The following SULT1E1 variants were observed in gnomAD, a reference collection of about 807,000 sequenced individuals.
SULT1E1 encodes sulfotransferase family 1E member 1.
In SULT1E1, 36 loss-of-function variants were observed where a neutral mutation model predicts 33.6. That is an observed-to-expected ratio of 1.07 (90% CI 0.82 to 1.41). SULT1E1 has a LOEUF of 1.41. Ranked by LOEUF, SULT1E1 falls within the 40% of genes most tolerant of loss-of-function variation. SULT1E1 has a pLI of 0.00. For synonymous variants in SULT1E1, 121 were observed against 111.7 expected (o/e 1.08, Z -0.53); for missense variants, 371 against 345.7 (o/e 1.07, Z -0.58).
downstream of SULT1E1, among the ~76,000 whole-genome samples, chr4:69,840,795 C>T (rs547337487): frequency 9.2e-5 from 14 of 152,238 alleles, no homozygotes; most frequent in African/African-American, 3.1e-4. Context: ...GCCTGTAATC[C>T]CAGCACTTTG....
At chr4:69,856,053 T>A (rs1177149642) in intron 2 of SULT1E1, among the ~76,000 whole-genome samples, 1 of 152,230 alleles carries the variant, frequency 6.6e-6, no homozygotes, top group Non-Finnish European at 1.5e-5. Flanking sequence ...ATGTGATCCT[T>A]CAGCTTAGCC....
chr4:69,830,154 C>T, the SULT1E1 span, among the ~76,000 whole-genome samples: 1 of 152,244 alleles, frequency 6.6e-6, no homozygotes, highest in African/African-American at 2.4e-5. Flanking sequence ...TGGCCTCTTC[C>T]ACACCCATGT....
chr4:69,851,880 A>T (rs2110070977), intron 4 of SULT1E1, among the ~76,000 whole-genome samples: 1 of 152,252 alleles, frequency 6.6e-6, no homozygotes, highest in African/African-American at 2.4e-5. Context: ...AAGAACAAAA[A>T]ACCAAACACC....
chr4:69,848,030 A>G (rs11573781), intron 5 of SULT1E1, among the ~76,000 whole-genome samples: 5 of 151,682 alleles, frequency 3.3e-5, no homozygotes, highest in Non-Finnish European at 5.9e-5. Context: ...TGACAGAAAA[A>G]CAGGGAAAGT....
the SULT1E1 span, among the ~76,000 whole-genome samples, chr4:69,827,748 G>A: frequency 5.3e-5 from 8 of 152,266 alleles, no homozygotes; most frequent in South Asian, 2.1e-4. Flanking sequence ...AAGGAAAAGC[G>A]AGATCAGAGA....
downstream of SULT1E1, among the ~76,000 whole-genome samples, chr4:69,837,749 A>T (rs1226076026): frequency 6.6e-6 from 1 of 152,142 alleles, no homozygotes; most frequent in East Asian, 1.9e-4. Context: ...CAAGCTAGTT[A>T]TAAACTCCTA....
the SULT1E1 span, among the ~76,000 whole-genome samples, chr4:69,832,521 G>A: frequency 2.6e-5 from 4 of 152,202 alleles, no homozygotes; most frequent in African/African-American, 9.7e-5. Context: ...ACTCCTAAGT[G>A]GTGCGAAAAC....
chr4:69,851,148 T>G (rs574701851), intron 4 of SULT1E1, among the ~76,000 whole-genome samples: 1 of 152,250 alleles, frequency 6.6e-6, no homozygotes, highest in African/African-American at 2.4e-5. Flanking sequence ...CTAAAGAGCT[T>G]CTGCACAGCA....
At chr4:69,838,001 G>A (rs140712371), downstream of SULT1E1, among the ~76,000 whole-genome samples, 2 of 152,248 alleles carry the variant, frequency 1.3e-5, no homozygotes, top group Admixed American at 1.3e-4. Flanking sequence ...TTTTGTATGA[G>A]TTTGGTAGTA....
At chr4:69,843,087 C>T (rs112090902) in intron 7 of SULT1E1, among the ~76,000 whole-genome samples, 26 of 152,244 alleles carry the variant, frequency 1.7e-4, no homozygotes, top group African/African-American at 5.3e-4. Flanking sequence ...CCGCCCGTCT[C>T]GGCCTCCCAA....
At chr4:69,821,829 A>C in the SULT1E1 span, among the ~76,000 whole-genome samples, 71 of 152,364 alleles carry the variant, frequency 4.7e-4, 1 homozygote, top group African/African-American at 1.6e-3. Context: ...GTCATATCAA[A>C]GAAATGTAAT....
At chr4:69,855,169 A>C in intron 3 of SULT1E1, 132 bp downstream of exon 3, 1 of 914,550 alleles carries the variant, frequency 1.1e-6, no homozygotes, top group Non-Finnish European at 1.6e-6. Flanking sequence ...TTTAAATTTA[A>C]ATTTATATGC....
At chr4:69,851,381 C>G (rs1721100359) in intron 4 of SULT1E1, among the ~76,000 whole-genome samples, 1 of 152,156 alleles carries the variant, frequency 6.6e-6, no homozygotes, top group South Asian at 2.1e-4. Context: ...AAATGCTCAG[C>G]ATCACTGGCC....
chr4:69,849,623 G>T, intron 4 of SULT1E1, 60 bp from the exon 5 acceptor site: 1 of 1,449,972 alleles, frequency 6.9e-7, no homozygotes. Flanking sequence ...GTCTCATCAA[G>T]ATTTTTTTAA....
the SULT1E1 span, among the ~76,000 whole-genome samples, chr4:69,828,155 C>T: frequency 3.9e-5 from 6 of 152,306 alleles, no homozygotes; most frequent in East Asian, 1.9e-4. Flanking sequence ...ACTGGTGAGG[C>T]CTTCTCAGTG....
downstream of SULT1E1, among the ~76,000 whole-genome samples, chr4:69,837,478 G>A (rs1720813344): frequency 6.6e-6 from 1 of 151,818 alleles, no homozygotes; most frequent in African/African-American, 2.4e-5. Context: ...TGTTTGTTTG[G>A]GATGTTCAGA....
chr4:69,847,740 CTT>C lies in SULT1E1; in HGVS notation c.547_548del (p.Lys183GlufsTer90), dbSNP rs1256037917. Reference protein sequence around the residue: ...KHVKSWWEKGKSPRVLFLFYE... With the variant: ...KHVKSWWEKGXSPRVLFLFYE... ...AGAAAAGAAATAGTACACGTGGACTCTTTCCCTTTTCCCACCAAGATTTTACA... is the reference window on the plus strand; with the variant it reads ...AGAAAAGAAATAGTACACGTGGACTCTCCCTTTTCCCACCAAGATTTTACA... On this transcript the variant is annotated frameshift_variant, in exon 6 of 8. Coordinates refer to ENST00000226444, the MANE Select transcript of SULT1E1 (RefSeq NM_005420.3). LOFTEE classifies it high-confidence loss of function. 1.2e-6 allele frequency: 2 copies of C among 1,609,758 alleles called. No homozygotes were observed. Among genetic ancestry groups the C allele is most frequent in the African/African-American group, 2.7e-5 (2 of 74,686 alleles).
chr4:69,832,887 A>G, the SULT1E1 span, among the ~76,000 whole-genome samples: 1 of 152,132 alleles, frequency 6.6e-6, no homozygotes, highest in Admixed American at 6.5e-5. Context: ...TACTTACACT[A>G]AAGGAGAGAT....
At chr4:69,829,958 T>C in the SULT1E1 span, among the ~76,000 whole-genome samples, 1 of 152,162 alleles carries the variant, frequency 6.6e-6, no homozygotes, top group Non-Finnish European at 1.5e-5. Flanking sequence ...CCCCTGCCAG[T>C]CCAATCAGAT....
Sources: allele counts gnomAD v4.1 joint callset (sites outside exome capture counted in the v4.1 genomes callset), GRCh38; gene constraint gnomAD v4.1.1; transcripts MANE v1.5; gene names NCBI Gene and HGNC (gene_info 2026-07-23, HGNC 2026-07-21).